The following ETS2 variants were observed in gnomAD, a reference collection of about 807,000 sequenced individuals.
The protein encoded by ETS2 is ETS proto-oncogene 2, transcription factor, also known as protein C-ets-2.
ETS2 carries 19 observed loss-of-function variants against 54.9 expected under a neutral mutation model. That is an observed-to-expected ratio of 0.35 (90% CI 0.24 to 0.51). ETS2 has a LOEUF of 0.51. Ranked by LOEUF, ETS2 falls within the 20% of genes least tolerant of loss-of-function variation. The probability of loss-of-function intolerance (pLI) is 0.97; values close to 1 mark genes in which losing one functional copy is unlikely to be tolerated. For missense variants in ETS2, 417 were observed against 593.0 expected (o/e 0.70, Z 3.08); for synonymous variants, 219 against 229.3 (o/e 0.95, Z 0.41).
In ETS2 at chr21:38,806,864, T is replaced by C; in HGVS notation, c.-1+744T>C. 1.0e-6 allele frequency: 1 copy of C among 984,068 alleles called. No homozygotes were observed. The highest frequency in any genetic ancestry group is 1.2e-6 in the Non-Finnish European group (1 of 828,684). 61.0% of individuals were successfully genotyped at this position (984,068 alleles called of 1,614,324 possible). A position where few individuals can be genotyped will look rare whatever the true frequency, so the allele number is the denominator to read the frequency against. On this transcript the variant is annotated intron_variant, in intron 1 of 9. Transcript: ENST00000360938. The surrounding 1 kb of genome is among the most constrained non-coding windows in gnomAD (Gnocchi z 4.3). ...GTTGCGTGTGTGTTATCCTATTTTA[T>C]TTTTTACGGCAGGAGACCTTTTATG...
chr21:38,815,990 GGAAGGAAGGAAGGAA>G (rs2060931807), intron 5 of ETS2, among the ~76,000 whole-genome samples: 4 of 168 alleles, frequency 0.024, no homozygotes, highest in African/African-American at 0.071. Context: ...AAGGAAGGAA[GGAAGGAAGGAAGGAA>G]GGAAGGAGGG....
Position 38,814,866 on chromosome 21 carries a change from G to C in ETS2, c.390G>C (p.Gln130His). Reference sequence around the variant, plus strand: ...TCAGTCTGGTGAACGTGAATCTGCAGAGGTTCGGCATGAATGGCCAGATGC... The same window carrying C: ...TCAGTCTGGTGAACGTGAATCTGCACAGGTTCGGCATGAATGGCCAGATGC... Reference protein sequence around the residue: ...NEFSLVNVNLQRFGMNGQMLC... With the variant: ...NEFSLVNVNLHRFGMNGQMLC... Residue 130 changes from glutamine to histidine, a missense_variant, in exon 5 of 10, where the codon CAG becomes CAC. Transcript: ENST00000360938. This position sits in a 1 kb window ranked among gnomAD's most constrained non-coding sequence, Gnocchi z 4.2. 1.2e-6 allele frequency: 2 copies of C among 1,614,230 alleles called. No individual in the cohort carries two copies. Among genetic ancestry groups the C allele is most frequent in the South Asian group, 1.1e-5 (1 of 91,084 alleles).
chr21:38,814,659 T>C lies in ETS2; in HGVS notation c.305-122T>C. The C allele has an allele frequency of 1.1e-6, 1 of 915,638 alleles. No homozygotes were observed. Among genetic ancestry groups the C allele is most frequent in the Non-Finnish European group, 1.7e-6 (1 of 590,522 alleles). The allele number at this position is 915,638 out of a possible 1,614,324, so 56.7% of individuals were successfully genotyped here. A position where few individuals can be genotyped will look rare whatever the true frequency, so the allele number is the denominator to read the frequency against. On this transcript the variant is annotated intron_variant, in intron 4 of 9. Coordinates refer to ENST00000360938, the MANE Select transcript of ETS2 (RefSeq NM_005239.6). The surrounding 1 kb of genome is among the most constrained non-coding windows in gnomAD (Gnocchi z 4.2). The stretch of plus-strand genomic sequence containing the variant: ...AATGGTGACGTGTCATCATGGTATC[T>C]TGCTCATTCGTGGGTTCTGGTGTAT...
chr21:38,808,171 A>G (rs917671018), intron 1 of ETS2, among the ~76,000 whole-genome samples: 2 of 152,060 alleles, frequency 1.3e-5, no homozygotes, highest in Non-Finnish European at 2.9e-5. Context: ...TCTGGTAGCT[A>G]TGTGGATCCT....
chr21:38,810,416 A>G (rs1348819320), intron 2 of ETS2, among the ~76,000 whole-genome samples: 1 of 152,172 alleles, frequency 6.6e-6, no homozygotes, highest in Non-Finnish European at 1.5e-5. Flanking sequence ...GGCTGTCTCT[A>G]CTGCCTTTTC....
chr21:38,808,051 C>G (rs2060900078), intron 1 of ETS2, among the ~76,000 whole-genome samples: 1 of 152,132 alleles, frequency 6.6e-6, no homozygotes, highest in Non-Finnish European at 1.5e-5. Flanking sequence ...TGGGAAGGGT[C>G]CATTCCTCAT....
chr21:38,819,352 G>A (rs1397494699), intron 7 of ETS2, 151 bp from the exon 8 acceptor site: 1 of 649,614 alleles, frequency 1.5e-6, no homozygotes. Context: ...TAAGGAATAA[G>A]CACCTGAGTA....
At chr21:38,805,465 C>T (rs1371686341), upstream of ETS2, 1 of 1,288,322 alleles carries the variant, frequency 7.8e-7, no homozygotes, top group Non-Finnish European at 1.0e-6. The surrounding 1 kb of genome is among the most constrained non-coding windows in gnomAD (Gnocchi z 5.2). Flanking sequence ...AGGGCCTTGG[C>T]CCCAGAGAGG....
chr21:38,816,768 G>T (rs1387842590), intron 5 of ETS2, among the ~76,000 whole-genome samples: 1 of 152,194 alleles, frequency 6.6e-6, no homozygotes, highest in Non-Finnish European at 1.5e-5. Context: ...AAAATTTAGT[G>T]TTGCCAATGA....
At chr21:38,820,936 C>A (rs1272631773) in intron 8 of ETS2, among the ~76,000 whole-genome samples, 1 of 152,184 alleles carries the variant, frequency 6.6e-6, no homozygotes, top group South Asian at 2.1e-4. Context: ...CAGAACCACA[C>A]TGACACCTGC....
Position 38,808,617 on chromosome 21 carries a change from T to TG in ETS2, c.1-1418_1-1417insG, listed in dbSNP as rs1555886348. On this transcript the variant is annotated intron_variant, in intron 1 of 9. Transcript: ENST00000360938. The stretch of plus-strand genomic sequence containing the variant: ...GTGTGTGTGTGTGTGTGTGTGTGTG[T>TG]TGGGTGTGTGTTGGGTAGCAGGGTT... Among the ~76,000 whole-genome samples, 23 of 86,256 alleles carry TG rather than the reference T, an allele frequency of 2.7e-4. 1 individual carries two copies. The highest frequency in any genetic ancestry group is 3.8e-4 in the African/African-American group (9 of 23,880). 56.6% of individuals were successfully genotyped at this position (86,256 alleles called of 152,430 possible).
intron 6 of ETS2, among the ~76,000 whole-genome samples, chr21:38,817,742 G>C (rs2060941066): frequency 6.6e-6 from 1 of 152,208 alleles, no homozygotes; most frequent in Non-Finnish European, 1.5e-5. Flanking sequence ...AGGCCAGCGA[G>C]GGAGGGGTCC....
At chr21:38,808,999 T>C (rs2123406719) in intron 1 of ETS2, among the ~76,000 whole-genome samples, 1 of 152,366 alleles carries the variant, frequency 6.6e-6, no homozygotes, top group African/African-American at 2.4e-5. Context: ...ATATGTAACT[T>C]ACCTGGCTGA....
intron 1 of ETS2, chr21:38,809,796 A>C (rs2060906967): frequency 1.3e-5 from 5 of 380,054 alleles, no homozygotes; most frequent in Non-Finnish European, 2.4e-5. Flanking sequence ...AGTGGAATTC[A>C]GTGAGGAATC....
intron 7 of ETS2, 152 bp downstream of exon 7, chr21:38,818,798 C>A: frequency 1.1e-6 from 1 of 898,844 alleles, no homozygotes; most frequent in East Asian, 2.6e-5. Context: ...CAAGCATACC[C>A]CTAATATGTT....
rs1157452823 is a variant in ETS2, at chr21:38,806,153, C to T, written c.-1+33C>T. The T allele has an allele frequency of 3.5e-5, 35 of 1,012,236 alleles. No homozygotes were observed. In the East Asian group the frequency reaches 2.6e-3, roughly 74 times the overall value. 62.7% of individuals were successfully genotyped at this position (1,012,236 alleles called of 1,614,324 possible). On this transcript the variant is annotated intron_variant, in intron 1 of 9. Transcript: ENST00000360938. The surrounding 1 kb of genome is among the most constrained non-coding windows in gnomAD (Gnocchi z 4.3). ...CTGGGCCCGCAGAGAGCGCCCGGCG[C>T]GCGGCTCCAGTCCCATGGAGGGTCA...
chr21:38,816,359 TC>T (rs2060935616), intron 5 of ETS2, among the ~76,000 whole-genome samples: 1 of 152,152 alleles, frequency 6.6e-6, no homozygotes, highest in Admixed American at 6.5e-5. Flanking sequence ...ACAGGGCTTT[TC>T]TACCAAGTTT....
chr21:38,807,128 G>T (rs2060896719), intron 1 of ETS2, among the ~76,000 whole-genome samples: 1 of 152,178 alleles, frequency 6.6e-6, no homozygotes, highest in Admixed American at 6.5e-5. Context: ...GAGTAGTAGC[G>T]CAGCACAGTA....
At chr21:38,822,216 T>C (rs2060961110) in intron 9 of ETS2, among the ~76,000 whole-genome samples, 1 of 152,218 alleles carries the variant, frequency 6.6e-6, no homozygotes, top group South Asian at 2.1e-4. Flanking sequence ...TCTCTGGCAC[T>C]GGGGAGCGTA....
Sources: gnomAD v4.1 joint callset for allele counts (sites outside exome capture counted in the v4.1 genomes callset) on GRCh38, gnomAD v4.1.1 for gene constraint, Gnocchi (gnomAD v3.1) non-coding constraint, MANE v1.5 for transcripts, NCBI Gene and HGNC (gene_info 2026-07-23, HGNC 2026-07-21) for gene names.